ANXA8: variants seen among roughly 807,000 people sequenced by gnomAD.
ANXA8 encodes the protein VAC-beta.
In ANXA8, 9 loss-of-function variants were observed where a neutral mutation model predicts 26.8. The observed-to-expected ratio is 0.34, with a 90% confidence interval of 0.20 to 0.59. The LOEUF (loss-of-function observed/expected upper bound fraction) is 0.59, where lower values mean the gene tolerates loss of function less well. Among genes scored for constraint, ANXA8 ranks in the 20% least tolerant of loss-of-function variants. The pLI, the probability that ANXA8 is intolerant of heterozygous loss-of-function variation, is 0.84. For synonymous variants in ANXA8, 39 were observed against 94.8 expected, an observed-to-expected ratio of 0.41 and a Z score of 3.42; for missense variants, 83 against 238.5, an observed-to-expected ratio of 0.35 and a Z score of 4.29.
the ANXA8 span, among the ~76,000 whole-genome samples, chr10:47,664,181 G>T: frequency 6.6e-6 from 1 of 151,670 alleles, no homozygotes; most frequent in African/African-American, 2.4e-5. Flanking sequence ...TTGGAGACCA[G>T]CCTGGCCAAC....
At chr10:47,720,984 C>CAA in the ANXA8 span, among the ~76,000 whole-genome samples, 15 of 95,580 alleles carry the variant, frequency 1.6e-4, no homozygotes, top group Non-Finnish European at 1.8e-4. Context: ...CCATCTCTAC[C>CAA]AAAAAAAAAA....
chr10:47,619,185 A>C, the ANXA8 span, among the ~76,000 whole-genome samples: 4 of 113,310 alleles, frequency 3.5e-5, 1 homozygote, highest in African/African-American at 1.4e-4. Context: ...GAATCACTTC[A>C]GCAGTGCAAA....
the ANXA8 span, among the ~76,000 whole-genome samples, chr10:47,882,290 AT>A: frequency 3.4e-5 from 1 of 29,000 alleles, no homozygotes; most frequent in Non-Finnish European, 8.0e-5. Flanking sequence ...AAAAAGGATA[AT>A]TTTTTTGTGT....
chr10:47,743,369 T>TAC, the ANXA8 span, among the ~76,000 whole-genome samples: 49 of 38,928 alleles, frequency 1.3e-3, 2 homozygotes, highest in African/African-American at 3.0e-3. Context: ...TATATATATA[T>TAC]ACATATATAT....
the ANXA8 span, among the ~76,000 whole-genome samples, chr10:47,647,374 T>C: frequency 6.6e-6 from 1 of 151,340 alleles, no homozygotes. Context: ...AGGGAAATTC[T>C]GTGTGAATGA....
upstream of ANXA8, chr10:47,487,537 G>A: frequency 2.3e-6 from 1 of 440,352 alleles, no homozygotes; most frequent in Non-Finnish European, 3.9e-6. Flanking sequence ...AGGGCAGCAG[G>A]ATTACTGCAG....
chr10:47,611,455 CAGTT>C, the ANXA8 span, among the ~76,000 whole-genome samples: 2 of 137,612 alleles, frequency 1.5e-5, no homozygotes, highest in Non-Finnish European at 3.1e-5. Context: ...TTGTCATTGT[CAGTT>C]AGGGCAGCAG....
chr10:47,704,775 CAAT>C, the ANXA8 span, among the ~76,000 whole-genome samples: 1 of 151,852 alleles, frequency 6.6e-6, no homozygotes, highest in Non-Finnish European at 1.5e-5. Flanking sequence ...TCATTGACAA[CAAT>C]ATTATTTTGT....
chr10:47,508,055 C>G, the ANXA8 span, among the ~76,000 whole-genome samples: 1 of 133,484 alleles, frequency 7.5e-6, no homozygotes, highest in African/African-American at 2.7e-5. Flanking sequence ...CCACTATGCC[C>G]AGATAATTTT....
At chr10:47,894,877 CACAAT>C in the ANXA8 span, among the ~76,000 whole-genome samples, 43 of 152,250 alleles carry the variant, frequency 2.8e-4, no homozygotes, top group African/African-American at 8.4e-4. Flanking sequence ...ACATACCCTA[CACAAT>C]ACAACACACA....
At chr10:47,984,811 C>A in the ANXA8 span, among the ~76,000 whole-genome samples, 1 of 140,092 alleles carries the variant, frequency 7.1e-6, no homozygotes, top group Middle Eastern at 3.2e-3. Context: ...ATAGATGTGT[C>A]ACTTAGTTTA....
the ANXA8 span, among the ~76,000 whole-genome samples, chr10:47,733,215 T>TTC: frequency 7.1e-4 from 67 of 95,026 alleles, 1 homozygote; most frequent in African/African-American, 2.2e-3. Flanking sequence ...CTTTCTTTCT[T>TTC]TCTTTCTCTT....
At chr10:47,653,546 T>C in the ANXA8 span, among the ~76,000 whole-genome samples, 20 of 151,530 alleles carry the variant, frequency 1.3e-4, no homozygotes, top group Admixed American at 1.3e-3. Context: ...AAGGACATTT[T>C]GGATAAATTG....
chr10:47,743,429 A>AGAGAGAGAGAG, the ANXA8 span, among the ~76,000 whole-genome samples: 1 of 125,144 alleles, frequency 8.0e-6, no homozygotes, highest in African/African-American at 3.0e-5. Flanking sequence ...AGAGAGAGAG[A>AGAGAGAGAGAG]AGTTGCATGG....
chr10:47,497,219 C>T, the ANXA8 span, among the ~76,000 whole-genome samples: 31 of 139,094 alleles, frequency 2.2e-4, no homozygotes, highest in African/African-American at 7.1e-4. Context: ...ACTCAGGAGG[C>T]TGAGGAAAGA....
chr10:47,672,052 T>G, the ANXA8 span, among the ~76,000 whole-genome samples: 1 of 151,416 alleles, frequency 6.6e-6, no homozygotes, highest in Admixed American at 6.6e-5. Flanking sequence ...TCTGTTCTCC[T>G]TCTACAGTCC....
the ANXA8 span, among the ~76,000 whole-genome samples, chr10:47,689,535 C>T: frequency 1.3e-5 from 2 of 151,818 alleles, no homozygotes; most frequent in African/African-American, 4.8e-5. Context: ...TTAATAATTT[C>T]TTGTGTATTT....
the ANXA8 span, among the ~76,000 whole-genome samples, chr10:47,521,863 C>T: frequency 2.0e-5 from 3 of 150,304 alleles, no homozygotes; most frequent in Non-Finnish European, 4.4e-5. Flanking sequence ...TCACTGCAAC[C>T]TCCACCTCCC....
At chr10:47,958,536 G>A in the ANXA8 span, among the ~76,000 whole-genome samples, 2 of 147,840 alleles carry the variant, frequency 1.4e-5, no homozygotes, top group Non-Finnish European at 3.0e-5. Flanking sequence ...CAGGCAGGGA[G>A]GAAAAGGACT....
Sources: allele counts gnomAD v4.1 joint callset (sites outside exome capture counted in the v4.1 genomes callset), GRCh38; gene constraint gnomAD v4.1.1; transcripts MANE v1.5; gene names NCBI Gene and HGNC (gene_info 2026-07-23, HGNC 2026-07-21).